Variants in BBX observed in about 807,000 individuals in gnomAD.
BBX encodes BBX high mobility group box domain containing.
BBX carries 30 observed loss-of-function variants against 100.2 expected under a neutral mutation model. That is an observed-to-expected ratio of 0.30 (90% CI 0.22 to 0.41). The LOEUF is 0.41. Among genes scored for constraint, BBX ranks in the 10% least tolerant of loss-of-function variants. The probability of loss-of-function intolerance (pLI) is 1.00; values close to 1 mark genes in which losing one functional copy is unlikely to be tolerated. For missense variants in BBX, 1,023 were observed against 1,129.8 expected, an observed-to-expected ratio of 0.91 and a Z score of 1.35; for synonymous variants, 376 against 388.1, an observed-to-expected ratio of 0.97 and a Z score of 0.37.
chr3:107,627,668 ATTTT>A (rs921022998), intron 2 of BBX, among the ~76,000 whole-genome samples: 1 of 149,940 alleles, frequency 6.7e-6, no homozygotes, highest in Admixed American at 6.7e-5. Flanking sequence ...ACTAGGTTCA[ATTTT>A]TTTTTTCTTT....
At chr3:107,528,113 A>G (rs1487742074) in intron 2 of BBX, among the ~76,000 whole-genome samples, 2 of 152,210 alleles carry the variant, frequency 1.3e-5, no homozygotes, top group Non-Finnish European at 2.9e-5. Context: ...TCAGTGAAGT[A>G]GTTCTGATAG....
intron 6 of BBX, among the ~76,000 whole-genome samples, chr3:107,730,211 A>G (rs1329751309): frequency 6.6e-6 from 1 of 152,224 alleles, no homozygotes; most frequent in Non-Finnish European, 1.5e-5. Flanking sequence ...TACATGTCCC[A>G]GAAGAATCAG....
chr3:107,788,013 C>A (rs1196821281), intron 13 of BBX, among the ~76,000 whole-genome samples: 1 of 152,082 alleles, frequency 6.6e-6, no homozygotes, highest in East Asian at 1.9e-4. Flanking sequence ...CTTAAGTCCT[C>A]GTAAGATAGT....
At chr3:107,775,176 T>TA (rs1216103657) in intron 12 of BBX, among the ~76,000 whole-genome samples, 1 of 152,208 alleles carries the variant, frequency 6.6e-6, no homozygotes, top group Non-Finnish European at 1.5e-5. Flanking sequence ...GAATGGATAG[T>TA]ATTAGCATGT....
chr3:107,682,599 G>C (rs1185591279), intron 3 of BBX, among the ~76,000 whole-genome samples: 1 of 152,052 alleles, frequency 6.6e-6, no homozygotes, highest in Non-Finnish European at 1.5e-5. Context: ...TAATAAGCTA[G>C]GATGACTCTG....
chr3:107,636,736 C>A (rs977790408), intron 2 of BBX, among the ~76,000 whole-genome samples: 3 of 152,078 alleles, frequency 2.0e-5, no homozygotes, highest in African/African-American at 4.8e-5. Context: ...ATTTCCTTTG[C>A]TATTTTGAAT....
At chr3:107,614,740 T>C (rs923809007) in intron 2 of BBX, among the ~76,000 whole-genome samples, 4 of 152,220 alleles carry the variant, frequency 2.6e-5, no homozygotes, top group Admixed American at 2.6e-4. Flanking sequence ...ATTTTTAATA[T>C]ATTCAGGCTA....
At chr3:107,624,571 T>C (rs1280743714) in intron 2 of BBX, among the ~76,000 whole-genome samples, 3 of 152,162 alleles carry the variant, frequency 2.0e-5, no homozygotes, top group East Asian at 3.9e-4. Context: ...CTGATTTCTT[T>C]TAGTTAAAAG....
chr3:107,551,867 G>T (rs1172001613), intron 2 of BBX, among the ~76,000 whole-genome samples: 1 of 152,166 alleles, frequency 6.6e-6, no homozygotes, highest in Non-Finnish European at 1.5e-5. Flanking sequence ...CAGATTATTT[G>T]TATTCTTCAC....
At chr3:107,703,041 A>G (rs1400400952) in intron 3 of BBX, among the ~76,000 whole-genome samples, 3 of 152,154 alleles carry the variant, frequency 2.0e-5, no homozygotes, top group Non-Finnish European at 2.9e-5. Context: ...CATTGAGAGT[A>G]AAGGAGGAGG....
intron 2 of BBX, among the ~76,000 whole-genome samples, chr3:107,606,655 T>C (rs1275080367): frequency 1.3e-5 from 2 of 152,152 alleles, no homozygotes; most frequent in Non-Finnish European, 2.9e-5. Context: ...AGTTTTTATT[T>C]TGAATTTTTG....
intron 15 of BBX, among the ~76,000 whole-genome samples, chr3:107,795,993 C>T (rs2069614096): frequency 6.6e-6 from 1 of 152,164 alleles, no homozygotes; most frequent in South Asian, 2.1e-4. Flanking sequence ...CTGGAGCTGA[C>T]TGGTGGTTTG....
intron 3 of BBX, among the ~76,000 whole-genome samples, chr3:107,701,652 A>G (rs2061062886): frequency 6.6e-6 from 1 of 152,226 alleles, no homozygotes; most frequent in Non-Finnish European, 1.5e-5. Context: ...TGCATTGACA[A>G]TAAATATGGA....
intron 3 of BBX, among the ~76,000 whole-genome samples, chr3:107,687,263 A>G (rs141538790): frequency 5.5e-4 from 84 of 152,272 alleles, no homozygotes; most frequent in African/African-American, 1.9e-3. Context: ...ACTGGGAAAA[A>G]CAGGGAGTGA....
At position 107,811,032 on chromosome 3, in the gene BBX, G is replaced by A. The variant is rs2071264199; in HGVS notation, c.*5575G>A. 1 of 151,942 alleles carries A rather than the reference G, an allele frequency of 6.6e-6. No individual in the cohort carries two copies. Among genetic ancestry groups the A allele is most frequent in the African/African-American group, 2.4e-5 (1 of 41,362 alleles). 9.4% of individuals were successfully genotyped at this position (151,942 alleles called of 1,614,324 possible). On this transcript the variant is annotated 3_prime_UTR_variant, in exon 18 of 18. Transcript: ENST00000325805. ...AATTATTGCTTTCTTAGATGTATGT[G>A]TAGTAAAAGTCAATATACACATTTA...
At chr3:107,563,325 G>T (rs910132916) in intron 2 of BBX, among the ~76,000 whole-genome samples, 2 of 152,184 alleles carry the variant, frequency 1.3e-5, no homozygotes, top group African/African-American at 4.8e-5. Flanking sequence ...ATCTCACAGA[G>T]CCAGACTGAA....
intron 1 of BBX, among the ~76,000 whole-genome samples, chr3:107,526,071 A>G (rs1355631581): frequency 6.6e-6 from 1 of 152,170 alleles, no homozygotes; most frequent in Non-Finnish European, 1.5e-5. Flanking sequence ...GGGAGTAGGA[A>G]GCGAGGGTAC....
At chr3:107,692,772 C>T (rs1239466086) in intron 3 of BBX, among the ~76,000 whole-genome samples, 88 of 150,278 alleles carry the variant, frequency 5.9e-4, no homozygotes, top group African/African-American at 1.7e-3. Context: ...GGAATCGCCA[C>T]GCTGACTTCC....
chr3:107,591,429 A>G (rs771668705), intron 2 of BBX, among the ~76,000 whole-genome samples: 2 of 152,226 alleles, frequency 1.3e-5, no homozygotes, highest in African/African-American at 4.8e-5. Flanking sequence ...TTTAAGATCT[A>G]TAAACAGTCA....
Sources: gnomAD v4.1 joint callset for allele counts (sites outside exome capture counted in the v4.1 genomes callset) on GRCh38, gnomAD v4.1.1 for gene constraint, MANE v1.5 for transcripts, NCBI Gene and HGNC (gene_info 2026-07-23, HGNC 2026-07-21) for gene names.